Variants in MYH15 observed in about 807,000 individuals in gnomAD.
MYH15 encodes myosin-15.
MYH15 carries 227 observed loss-of-function variants against 240.5 expected under a neutral mutation model. The ratio of observed to expected loss-of-function variants is 0.94; its 90% CI spans 0.85 to 1.05. MYH15 has a LOEUF of 1.05. Ranked by LOEUF, MYH15 falls within the 50% of genes least tolerant of loss-of-function variation. The pLI is 0.00. For synonymous variants in MYH15, 785 were observed against 796.7 expected, an observed-to-expected ratio of 0.99 and a Z score of 0.25; for missense variants, 2,217 against 2,247.5, an observed-to-expected ratio of 0.99 and a Z score of 0.27.
intron 33 of MYH15, among the ~76,000 whole-genome samples, chr3:108,400,672 G>T (rs1166105789): frequency 6.6e-6 from 1 of 152,110 alleles, no homozygotes; most frequent in East Asian, 1.9e-4. Flanking sequence ...AGCCAGGCGT[G>T]GTGGCATGTG....
chr3:108,380,377 A>AAAG lies in MYH15; in HGVS notation c.*1165_*1167dup, dbSNP rs779906366. ...AGGCAGAATCAGAGAATGACAGAAT[A>AAAG]AAGATTTATTATAGAGCTTCAGCCT... On this transcript the variant is annotated 3_prime_UTR_variant, in exon 41 of 41. Transcript: ENST00000693548. The AAAG allele has an allele frequency of 6.6e-6, 1 of 152,432 alleles. No homozygotes were observed. The highest frequency in any genetic ancestry group is 1.5e-5 in the Non-Finnish European group (1 of 68,062). 9.4% of individuals were successfully genotyped at this position (152,432 alleles called of 1,614,324 possible). A position where few individuals can be genotyped will look rare whatever the true frequency, so the allele number is the denominator to read the frequency against.
At chr3:108,529,612 C>A (rs1439171200), upstream of MYH15, among the ~76,000 whole-genome samples, 1 of 152,124 alleles carries the variant, frequency 6.6e-6, no homozygotes, top group Non-Finnish European at 1.5e-5. Context: ...CATTTTCTTC[C>A]AACAAGGTGG....
At chr3:108,515,727 A>G (rs1437045640) in intron 1 of MYH15, among the ~76,000 whole-genome samples, 1 of 152,224 alleles carries the variant, frequency 6.6e-6, no homozygotes, top group Non-Finnish European at 1.5e-5. Flanking sequence ...TTACTATTCA[A>G]CAAGCATTTA....
At chr3:108,415,885 A>G (rs1244718006) in intron 29 of MYH15, among the ~76,000 whole-genome samples, 1 of 152,198 alleles carries the variant, frequency 6.6e-6, no homozygotes, top group Non-Finnish European at 1.5e-5. Context: ...ATTGGAAGTC[A>G]CTGGGAAGGC....
intron 40 of MYH15, among the ~76,000 whole-genome samples, chr3:108,382,275 T>G (rs2082349244): frequency 1.3e-5 from 2 of 152,174 alleles, no homozygotes. Flanking sequence ...ATAGGACTTA[T>G]CCTTGAGGCA....
rs1255110526 is a variant in MYH15, at chr3:108,414,516, A to T, written c.3949-88T>A. The T allele has an allele frequency of 5.9e-6, 7 of 1,181,800 alleles. No homozygotes were observed. In the Admixed American group the frequency reaches 1.9e-4, roughly 32 times the overall value. 73.2% of individuals were successfully genotyped at this position (1,181,800 alleles called of 1,614,324 possible). On this transcript the variant is annotated intron_variant, in intron 29 of 40. Coordinates refer to ENST00000693548, the MANE Select transcript of MYH15 (RefSeq NM_014981.3). ...TAAGCTAATTTTTTTTTTAGGTAAG[A>T]TTAATAACAACCTGCCACAAATTCA... is the stretch of plus-strand genomic sequence containing the variant.
chr3:108,430,774 C>T (rs1395033436), intron 26 of MYH15, 58 bp downstream of exon 26: 1 of 1,316,724 alleles, frequency 7.6e-7, no homozygotes, highest in African/African-American at 1.4e-5. Context: ...CATTGAACCA[C>T]CAGTCATCAC....
intron 1 of MYH15, among the ~76,000 whole-genome samples, chr3:108,519,025 C>A (rs2083596660): frequency 6.6e-6 from 1 of 152,158 alleles, no homozygotes; most frequent in Admixed American, 6.5e-5. Context: ...AGAGCAGACC[C>A]ATCAGTCTGA....
chr3:108,409,414 A>G (rs1234636372), intron 31 of MYH15, among the ~76,000 whole-genome samples: 1 of 152,182 alleles, frequency 6.6e-6, no homozygotes, highest in Non-Finnish European at 1.5e-5. Context: ...TCACCTGGAA[A>G]ACTGTCAGAA....
chr3:108,385,283 C>T (rs1285751139), intron 38 of MYH15, among the ~76,000 whole-genome samples: 1 of 152,166 alleles, frequency 6.6e-6, no homozygotes, highest in Non-Finnish European at 1.5e-5. Context: ...GCTCCCCAAT[C>T]AAAACAACTA....
At chr3:108,427,656 A>AG (rs1560351019) in intron 27 of MYH15, among the ~76,000 whole-genome samples, 219 of 151,600 alleles carry the variant, frequency 1.4e-3, no homozygotes, top group African/African-American at 4.9e-3. Flanking sequence ...AGAGAGAGAG[A>AG]AAGAGAGAGA....
Position 108,464,797 on chromosome 3 carries a change from G to A in MYH15, c.1572C>T (p.Ser524=), listed in dbSNP as rs1248325695. The change falls in exon 15 of 41, where the codon TCC becomes TCT. Residue 524 remains serine (S), a synonymous_variant. Coordinates refer to ENST00000693548, the MANE Select transcript of MYH15 (RefSeq NM_014981.3). ...DLIEKPMGIL[S]ILEEECMFPK... ...GAAACATACACTCTTCTTCAAGGATGGAAAGGATGCCCATTGGCTGTTGAA... is the reference window on the plus strand; with the variant it reads ...GAAACATACACTCTTCTTCAAGGATAGAAAGGATGCCCATTGGCTGTTGAA... 1 of 1,608,408 alleles carries A rather than the reference G, an allele frequency of 6.2e-7. No homozygotes were observed. The highest frequency in any genetic ancestry group is 1.1e-5 in the South Asian group (1 of 89,880).
intron 1 of MYH15, among the ~76,000 whole-genome samples, chr3:108,516,756 G>T (rs2083575788): frequency 6.6e-6 from 1 of 152,180 alleles, no homozygotes; most frequent in Non-Finnish European, 1.5e-5. Flanking sequence ...TACAAAAGCA[G>T]GGGTTTAGGC....
Position 108,455,770 on chromosome 3 carries a change from A to C in MYH15, c.2228T>G (p.Ile743Arg), listed in dbSNP as rs1362111661. ...TCCAAATCGGTACTGGGTATGGTCT[A>C]TCTCCAAGGAGCCAAGTAATTCTTC... ...AAEELLGSLE[I>R]DHTQYRFGIT... is the part of the protein sequence containing the mutation. Residue 743 changes from isoleucine (I) to arginine (R), a missense_variant, in exon 20 of 41, where the codon ATA becomes AGA. Transcript: ENST00000693548. 1 of 1,613,916 alleles carries C rather than the reference A, an allele frequency of 6.2e-7. No homozygotes were observed. The highest frequency in any genetic ancestry group is 1.1e-5 in the South Asian group (1 of 91,080).
intron 33 of MYH15, among the ~76,000 whole-genome samples, chr3:108,404,300 C>T (rs541053795): frequency 6.6e-6 from 1 of 152,176 alleles, no homozygotes; most frequent in East Asian, 1.9e-4. Context: ...TTCAATTGAA[C>T]ATGTTAACAG....
chr3:108,420,890 G>A (rs1469556847), intron 28 of MYH15, among the ~76,000 whole-genome samples, 198 bp downstream of exon 28: 1 of 152,068 alleles, frequency 6.6e-6, no homozygotes. Context: ...ACTAGGCAGG[G>A]GTTCCCAAGT....
chr3:108,399,912 A>ATTT (rs2082491364), intron 33 of MYH15, among the ~76,000 whole-genome samples: 1 of 152,208 alleles, frequency 6.6e-6, no homozygotes, highest in South Asian at 2.1e-4. Context: ...CTAAAAACGT[A>ATTT]TTTGCAAAGT....
intron 35 of MYH15, among the ~76,000 whole-genome samples, chr3:108,395,600 A>T (rs933990760): frequency 5.3e-5 from 8 of 151,272 alleles, no homozygotes; most frequent in Non-Finnish European, 1.0e-4. Flanking sequence ...ATCTTTGCAA[A>T]CTGAATTACT....
Position 108,389,088 on chromosome 3 carries a change from G to A in MYH15, c.5431-14C>T, listed in dbSNP as rs1439384751. On this transcript the variant is annotated splice_polypyrimidine_tract_variant and intron_variant, in intron 37 of 40. Transcript: ENST00000693548. Reference sequence around the variant, plus strand: ...CAGTTCACGAACCTGCAACCAAAACGTGACCTCAGACCAGACGCTGCCACC... The same window carrying A: ...CAGTTCACGAACCTGCAACCAAAACATGACCTCAGACCAGACGCTGCCACC... The A allele has an allele frequency of 2.5e-6, 4 of 1,612,056 alleles. No homozygotes were observed. Among genetic ancestry groups the A allele is most frequent in the Non-Finnish European group, 3.4e-6 (4 of 1,178,382 alleles).
Sources: gnomAD v4.1 joint callset for allele counts (sites outside exome capture counted in the v4.1 genomes callset) on GRCh38, gnomAD v4.1.1 for gene constraint, MANE v1.5 for transcripts, NCBI Gene and HGNC (gene_info 2026-07-23, HGNC 2026-07-21) for gene names.